RNF157: variants seen among roughly 807,000 people sequenced by gnomAD.
RNF157 encodes the protein ring finger protein 157, also known as E3 ubiquitin ligase RNF157.
RNF157 carries 55 observed loss-of-function variants against 88.3 expected under a neutral mutation model. The ratio of observed to expected loss-of-function variants is 0.62; its 90% CI spans 0.50 to 0.78. The LOEUF is 0.78. RNF157 is among the 30% of genes least tolerant of loss of function. RNF157 has a pLI of 0.00. For synonymous variants in RNF157, 334 were observed against 341.2 expected (o/e 0.98, Z 0.23); for missense variants, 788 against 860.8 (o/e 0.92, Z 1.06).
intron 1 of RNF157, among the ~76,000 whole-genome samples, chr17:76,218,791 G>A (rs1039740998): frequency 9.2e-5 from 14 of 151,864 alleles, no homozygotes; most frequent in African/African-American, 1.9e-4. Context: ...AAAATTAGCC[G>A]GGAGTGATGG....
In RNF157 at chr17:76,167,055, C is replaced by A; in HGVS notation, c.515G>T (p.Cys172Phe). The change falls in exon 5 of 19, where the codon TGC becomes TTC. Residue 172 changes from cysteine to phenylalanine, a missense_variant. By Grantham distance (205) the Cys-to-Phe change is radical (BLOSUM62 -2). Coordinates refer to ENST00000269391, the MANE Select transcript of RNF157 (RefSeq NM_052916.3). ...QYKRGVCQQFCLPSHTVDPSE... is the reference protein window; with the variant it reads ...QYKRGVCQQFFLPSHTVDPSE... ...GGGATCCACGGTGTGGGAGGGCAGG[C>A]AGAACTGCTGACACACTCCTCGCTT... 1.2e-6 allele frequency: 2 copies of A among 1,612,658 alleles called. No individual in the cohort carries two copies. The highest frequency in any genetic ancestry group is 1.3e-5 in the African/African-American group (1 of 74,964).
chr17:76,156,681 T>C (rs1213802566), intron 13 of RNF157, among the ~76,000 whole-genome samples: 1 of 152,208 alleles, frequency 6.6e-6, no homozygotes, highest in Non-Finnish European at 1.5e-5. Context: ...GGCAAAAGCA[T>C]ACAAAGCCAG....
At chr17:76,238,356 G>T (rs1383080524) in intron 1 of RNF157, among the ~76,000 whole-genome samples, 3 of 152,214 alleles carry the variant, frequency 2.0e-5, no homozygotes, top group African/African-American at 7.2e-5. Flanking sequence ...TTGCTATAAA[G>T]ACTTCTCTCA....
At chr17:76,224,837 G>A (rs1321402761) in intron 1 of RNF157, among the ~76,000 whole-genome samples, 2 of 152,140 alleles carry the variant, frequency 1.3e-5, no homozygotes, top group African/African-American at 2.4e-5. Flanking sequence ...CCCATGGGGC[G>A]TGGGTTGTAC....
chr17:76,148,457 T>C (rs1412600205), intron 18 of RNF157, among the ~76,000 whole-genome samples: 1 of 151,002 alleles, frequency 6.6e-6, no homozygotes, highest in Non-Finnish European at 1.5e-5. Flanking sequence ...TTGGTAGAGA[T>C]GAGGTTTCAC....
intron 6 of RNF157, 115 bp downstream of exon 6, chr17:76,166,346 T>C: frequency 1.2e-6 from 1 of 843,522 alleles, no homozygotes; most frequent in Non-Finnish European, 2.0e-6. Context: ...ACTGCCTGAC[T>C]CACAGTCACA....
chr17:76,154,091 C>G, intron 17 of RNF157, 192 bp downstream of exon 17: 1 of 599,194 alleles, frequency 1.7e-6, no homozygotes, highest in Non-Finnish European at 3.0e-6. Context: ...CCAGAAAGAG[C>G]TGAGGAGGTC....
In RNF157 at chr17:76,161,251, G is replaced by A. The variant is rs2068840293; in HGVS notation, c.1065+284C>T. Among the ~76,000 whole-genome samples the A allele has an allele frequency of 6.6e-6, 1 of 152,090 alleles. No individual in the cohort carries two copies. The highest frequency in any genetic ancestry group is 1.5e-5 in the Non-Finnish European group (1 of 68,028). ...CGTCCCATTGTTTCTGCCTGGGGGA[G>A]TTCAAGTTGAACCTCACTGGAGTGA... On this transcript the variant is annotated intron_variant, in intron 11 of 18. Transcript: ENST00000269391. The surrounding 1 kb of genome is among the most constrained non-coding windows in gnomAD (Gnocchi z 4.6).
Position 76,195,534 on chromosome 17 carries a change from A to G in RNF157, c.207+16830T>C, listed in dbSNP as rs1379966628. Among the ~76,000 whole-genome samples the G allele has an allele frequency of 1.3e-5, 2 of 152,238 alleles. No homozygotes were observed. Among genetic ancestry groups the G allele is most frequent in the Non-Finnish European group, 2.9e-5 (2 of 68,040 alleles). On this transcript the variant is annotated intron_variant, in intron 2 of 18. Transcript: ENST00000269391. This position sits in a 1 kb window ranked among gnomAD's most constrained non-coding sequence, Gnocchi z 4.4. ...TCTCCTAGCTATAGCCTTAACAGGTATGCATACATATACACAACAAAATAC... is the reference window on the plus strand; with the variant it reads ...TCTCCTAGCTATAGCCTTAACAGGTGTGCATACATATACACAACAAAATAC...
chr17:76,158,034 A>G (rs1231045896), intron 13 of RNF157, among the ~76,000 whole-genome samples: 1 of 150,672 alleles, frequency 6.6e-6, no homozygotes. Flanking sequence ...CAGCCGTGAC[A>G]CTCCCTTCCC....
intron 2 of RNF157, among the ~76,000 whole-genome samples, chr17:76,190,827 G>A (rs901395891): frequency 1.1e-4 from 17 of 149,444 alleles, no homozygotes; most frequent in East Asian, 2.0e-4. Flanking sequence ...AGAATGGCAC[G>A]AACCCGGGAG....
intron 2 of RNF157, among the ~76,000 whole-genome samples, chr17:76,181,465 T>C (rs1182234747): frequency 6.6e-6 from 1 of 152,072 alleles, no homozygotes; most frequent in Non-Finnish European, 1.5e-5. Flanking sequence ...AAGATACAAA[T>C]GTACACTGAG....
At chr17:76,208,842 C>G (rs1252415774) in intron 2 of RNF157, among the ~76,000 whole-genome samples, 2 of 152,000 alleles carry the variant, frequency 1.3e-5, no homozygotes, top group Admixed American at 1.3e-4. Flanking sequence ...GGTGTGGTGG[C>G]AGGCACCTGT....
intron 2 of RNF157, among the ~76,000 whole-genome samples, chr17:76,190,640 C>A (rs1446826991): frequency 6.6e-6 from 1 of 151,048 alleles, no homozygotes; most frequent in Non-Finnish European, 1.5e-5. Context: ...TAGTTTACGG[C>A]CGGGCGTGAT....
chr17:76,194,749 C>T (rs951067656), intron 2 of RNF157, among the ~76,000 whole-genome samples: 5 of 152,152 alleles, frequency 3.3e-5, no homozygotes, highest in Admixed American at 6.5e-5. Flanking sequence ...GGCACGGTGG[C>T]TCACACCTGT....
At chr17:76,213,810 C>T (rs2069843794) in intron 1 of RNF157, among the ~76,000 whole-genome samples, 1 of 152,022 alleles carries the variant, frequency 6.6e-6, no homozygotes. Context: ...TGTAATCAAC[C>T]ATGCTATGTA....
chr17:76,215,495 A>AAAAAG (rs570353444), intron 1 of RNF157, among the ~76,000 whole-genome samples: 174 of 150,402 alleles, frequency 1.2e-3, no homozygotes, highest in African/African-American at 3.8e-3. Context: ...GAAAGAAAGA[A>AAAAAG]AAAAGAAAAG....
Position 76,162,568 on chromosome 17 carries a change from T to C in RNF157, c.776A>G (p.Asn259Ser), listed in dbSNP as rs2068860732. ...QEIYGIENKY[N>S]TQDSKVAEDE... is the part of the protein sequence containing the mutation. ...AAAACTTACCTTAGAATCTTGTGTG[T>C]TGTACTTGTTTTCAATTCCATAGAT... is the stretch of plus-strand genomic sequence containing the variant. Residue 259 changes from asparagine to serine, a missense_variant, in exon 9 of 19, where the codon AAC becomes AGC. Transcript: ENST00000269391. The C allele has an allele frequency of 6.2e-7, 1 of 1,613,126 alleles. No homozygotes were observed. The highest frequency in any genetic ancestry group is 8.5e-7 in the Non-Finnish European group (1 of 1,179,442).
rs1229441444 is a variant in RNF157, at chr17:76,146,073, G to C, written c.1922-720C>G. Among the ~76,000 whole-genome samples, 1 of 152,140 alleles carries C rather than the reference G, an allele frequency of 6.6e-6. No homozygotes were observed. Among genetic ancestry groups the C allele is most frequent in the Non-Finnish European group, 1.5e-5 (1 of 68,016 alleles). On this transcript the variant is annotated intron_variant, in intron 18 of 18. Transcript: ENST00000269391. The surrounding 1 kb of genome is among the most constrained non-coding windows in gnomAD (Gnocchi z 4.2). ...CTGCCCCCACATGAGGAGTGCCAGC[G>C]CCTGTCTGGAAACCCATTCTTGGTG...
Sources: gnomAD v4.1 joint callset for allele counts (sites outside exome capture counted in the v4.1 genomes callset) on GRCh38, gnomAD v4.1.1 for gene constraint, Gnocchi (gnomAD v3.1) non-coding constraint, MANE v1.5 for transcripts, NCBI Gene and HGNC (gene_info 2026-07-23, HGNC 2026-07-21) for gene names.